The following TENM4 variants were observed in gnomAD, a reference collection of about 807,000 sequenced individuals.
TENM4 encodes the protein teneurin-4.
A neutral mutation model predicts 243.3 loss-of-function variants in TENM4; 82 were observed. The observed-to-expected ratio is 0.34, with a 90% confidence interval of 0.28 to 0.40. TENM4 has a LOEUF of 0.40. Ranked by LOEUF, TENM4 falls within the 10% of genes least tolerant of loss-of-function variation. TENM4 has a pLI of 1.00. For synonymous variants in TENM4, 1,412 were observed against 1,456.3 expected (o/e 0.97, Z 0.69); for missense variants, 3,138 against 3,673.3 (o/e 0.85, Z 3.77).
chr11:78,708,639 C>A (rs1024795947), intron 26 of TENM4, 124 bp from the exon 27 acceptor site: 3 of 1,121,924 alleles, frequency 2.7e-6, no homozygotes, highest in Non-Finnish European at 3.8e-6. Flanking sequence ...CTCCCACAAC[C>A]TTCATTCCTC....
At chr11:79,230,545 C>A (rs921376989) in intron 2 of TENM4, among the ~76,000 whole-genome samples, 13 of 152,170 alleles carry the variant, frequency 8.5e-5, no homozygotes, top group Non-Finnish European at 1.8e-4. Context: ...CCATGGACAA[C>A]CTCTCTGAGC....
intron 6 of TENM4, among the ~76,000 whole-genome samples, chr11:78,958,756 T>C (rs948776389): frequency 6.6e-6 from 1 of 152,216 alleles, no homozygotes; most frequent in Non-Finnish European, 1.5e-5. Flanking sequence ...GCTCCCACCA[T>C]AGGAAACTGT....
intron 15 of TENM4, among the ~76,000 whole-genome samples, chr11:78,795,804 T>C (rs1310029835): frequency 6.6e-6 from 1 of 152,138 alleles, no homozygotes; most frequent in Non-Finnish European, 1.5e-5. Context: ...CCTCACTAAG[T>C]TGGACAGATG....
intron 6 of TENM4, among the ~76,000 whole-genome samples, chr11:78,962,792 C>G (rs1482733893): frequency 6.6e-6 from 1 of 152,200 alleles, no homozygotes; most frequent in Admixed American, 6.5e-5. Context: ...TGTCACCGAA[C>G]TGATATGATG....
intron 6 of TENM4, among the ~76,000 whole-genome samples, chr11:78,997,414 T>G (rs75516054): frequency 1.5e-4 from 23 of 152,336 alleles, no homozygotes; most frequent in African/African-American, 5.5e-4. Context: ...TTACCTTTCT[T>G]TGCTAAACCA....
At chr11:79,089,216 A>G (rs558608375) in intron 4 of TENM4, among the ~76,000 whole-genome samples, 5 of 152,350 alleles carry the variant, frequency 3.3e-5, no homozygotes, top group African/African-American at 9.6e-5. Context: ...GCCTGCTCCA[A>G]GGGAGCATCA....
chr11:78,720,488 G>A, intron 24 of TENM4, 98 bp from the exon 25 acceptor site: 2 of 1,203,914 alleles, frequency 1.7e-6, no homozygotes, highest in South Asian at 1.2e-5. Context: ...GACAGCAATG[G>A]TACTATACAA....
At chr11:79,367,739 GA>G (rs1266709278) in intron 1 of TENM4, among the ~76,000 whole-genome samples, 1 of 152,124 alleles carries the variant, frequency 6.6e-6, no homozygotes, top group African/African-American at 2.4e-5. Flanking sequence ...ATTATTGGAA[GA>G]AAAGAAAAAG....
chr11:79,062,404 C>T (rs1312849779), intron 6 of TENM4, among the ~76,000 whole-genome samples: 4 of 152,094 alleles, frequency 2.6e-5, no homozygotes, highest in East Asian at 1.9e-4. Flanking sequence ...ACCCAAAAAG[C>T]GTTTATTAGA....
chr11:78,948,088 A>G (rs1415391817), intron 6 of TENM4, among the ~76,000 whole-genome samples: 1 of 152,190 alleles, frequency 6.6e-6, no homozygotes, highest in Admixed American at 6.5e-5. Context: ...ATTTTGAAAA[A>G]TCTCAACCCT....
chr11:79,065,000 G>A lies in TENM4; in HGVS notation c.231C>T (p.Asn77=), dbSNP rs1487913701. 3 of 1,458,870 alleles carry A rather than the reference G, an allele frequency of 2.1e-6. No homozygotes were observed. The highest frequency in any genetic ancestry group is 1.8e-4 in the Middle Eastern group (1 of 5,574). 90.4% of individuals were successfully genotyped at this position (1,458,870 alleles called of 1,614,324 possible). ...EAEEFCRTGA[N]FTLRELGLEE... is the part of the protein sequence containing the mutation. ...CCAGCCCCAGCTCCCGCAGGGTGAA[G>A]TTGGCACCTGGGAGGAAACACAGGT... The change falls in exon 6 of 34, where the codon AAC becomes AAT. Residue 77 remains asparagine, a synonymous_variant. Coordinates refer to ENST00000278550, the MANE Select transcript of TENM4 (RefSeq NM_001098816.3).
intron 1 of TENM4, among the ~76,000 whole-genome samples, chr11:79,326,250 C>T (rs1257109098): frequency 1.3e-5 from 2 of 152,178 alleles, no homozygotes; most frequent in African/African-American, 4.8e-5. Flanking sequence ...TCATAAGTCC[C>T]TAACCCCCTT....
intron 6 of TENM4, among the ~76,000 whole-genome samples, chr11:78,941,178 C>A (rs1012346811): frequency 6.6e-6 from 1 of 152,198 alleles, no homozygotes; most frequent in Non-Finnish European, 1.5e-5. Flanking sequence ...AGCTGCCTGA[C>A]CTTTGGCAAA....
chr11:78,677,750 A>C (rs984511274), intron 29 of TENM4, among the ~76,000 whole-genome samples: 17 of 151,900 alleles, frequency 1.1e-4, no homozygotes, highest in Admixed American at 1.1e-3. Context: ...TTTAAATTTG[A>C]TTTAAAACAT....
At chr11:79,005,692 G>C (rs555816055) in intron 6 of TENM4, among the ~76,000 whole-genome samples, 1 of 152,096 alleles carries the variant, frequency 6.6e-6, no homozygotes, top group Non-Finnish European at 1.5e-5. Context: ...AAAAAGAAAA[G>C]GATGCCCACT....
intron 6 of TENM4, among the ~76,000 whole-genome samples, chr11:79,010,713 A>G (rs1022068672): frequency 6.6e-6 from 1 of 152,156 alleles, no homozygotes; most frequent in Non-Finnish European, 1.5e-5. Context: ...ACCTGCCCCC[A>G]TGATTCAATT....
chr11:78,736,479 T>TGTGTGTGCGTGC (rs796898751), intron 20 of TENM4, among the ~76,000 whole-genome samples: 59 of 99,402 alleles, frequency 5.9e-4, no homozygotes, highest in African/African-American at 1.7e-3. Context: ...TGTGTGTGTG[T>TGTGTGTGCGTGC]GCGCGCGCGT....
chr11:78,855,177 C>T (rs967875166), intron 11 of TENM4, among the ~76,000 whole-genome samples: 2 of 152,220 alleles, frequency 1.3e-5, no homozygotes, highest in Non-Finnish European at 2.9e-5. Context: ...TCTCAAGGCT[C>T]TTCTCCTGTG....
chr11:79,047,029 C>T (rs539323312), intron 6 of TENM4, among the ~76,000 whole-genome samples: 1 of 152,298 alleles, frequency 6.6e-6, no homozygotes, highest in South Asian at 2.1e-4. Context: ...GCCCTGATTA[C>T]ACAGAGATAG....
Sources: allele counts gnomAD v4.1 joint callset (sites outside exome capture counted in the v4.1 genomes callset), GRCh38; gene constraint gnomAD v4.1.1; transcripts MANE v1.5; gene names NCBI Gene and HGNC (gene_info 2026-07-23, HGNC 2026-07-21).